SLC9B2: variants seen among roughly 807,000 people sequenced by gnomAD.
The protein encoded by SLC9B2 is solute carrier family 9 member B2.
A neutral mutation model predicts 52.2 loss-of-function variants in SLC9B2; 39 were observed. That is an observed-to-expected ratio of 0.75 (90% CI 0.58 to 0.98). SLC9B2 has a LOEUF of 0.98. Ranked by LOEUF, SLC9B2 falls within the 50% of genes least tolerant of loss-of-function variation. SLC9B2 has a pLI of 0.00. For missense variants in SLC9B2, 626 were observed against 637.5 expected (o/e 0.98, Z 0.19); for synonymous variants, 214 against 227.0 (o/e 0.94, Z 0.51).
intron 1 of SLC9B2, among the ~76,000 whole-genome samples, chr4:103,074,514 C>A (rs1746942749): frequency 6.6e-6 from 1 of 152,134 alleles, no homozygotes; most frequent in Non-Finnish European, 1.5e-5. Context: ...TCATCATAGA[C>A]AATGAATGAT....
Position 103,047,052 on chromosome 4 carries a change from T to A in SLC9B2, c.888A>T (p.Thr296=). 1 of 1,613,830 alleles carries A rather than the reference T, an allele frequency of 6.2e-7. No homozygotes were observed. The highest frequency in any genetic ancestry group is 8.5e-7 in the Non-Finnish European group (1 of 1,179,784). The part of the protein sequence containing the change: ...FNTCLGIAFS[T]GSTVFNVLRG... Reference sequence around the variant, plus strand: ...CCTGTTGTGAACTGATTAGGTTACCTGTGGAAAAGGCTATGCCCAAGCATG... The same window carrying A: ...CCTGTTGTGAACTGATTAGGTTACCAGTGGAAAAGGCTATGCCCAAGCATG... Residue 296 remains threonine, a splice_region_variant and synonymous_variant, in exon 7 of 12, where the codon ACA becomes ACT. Coordinates refer to ENST00000394785, the MANE Select transcript of SLC9B2 (RefSeq NM_178833.7).
chr4:103,053,154 T>C (rs920207999), intron 4 of SLC9B2, among the ~76,000 whole-genome samples: 2 of 152,214 alleles, frequency 1.3e-5, no homozygotes, highest in Non-Finnish European at 2.9e-5. Flanking sequence ...TAATGATTTT[T>C]CTTCTCTTCC....
At chr4:103,042,803 C>T (rs1450278237) in intron 9 of SLC9B2, among the ~76,000 whole-genome samples, 1 of 151,262 alleles carries the variant, frequency 6.6e-6, no homozygotes, top group African/African-American at 2.4e-5. Context: ...AAAATATATA[C>T]TATATTTTAT....
intron 9 of SLC9B2, among the ~76,000 whole-genome samples, chr4:103,034,511 A>AG (rs999398177): frequency 2.0e-5 from 3 of 152,220 alleles, no homozygotes; most frequent in Non-Finnish European, 4.4e-5. Context: ...TGGAGTAAAC[A>AG]GACAACCTTT....
intron 3 of SLC9B2, among the ~76,000 whole-genome samples, chr4:103,064,615 A>T (rs77880220): frequency 0.018 from 2,801 of 152,296 alleles, 41 homozygotes; most frequent in Non-Finnish European, 0.023. Flanking sequence ...AAGGTATTGT[A>T]TACCTCAAAA....
chr4:103,068,904 G>A (rs559435029), intron 1 of SLC9B2, among the ~76,000 whole-genome samples: 351 of 152,184 alleles, frequency 2.3e-3, no homozygotes, highest in Admixed American at 4.1e-3. Context: ...TCTGTTCAAC[G>A]AAGTGCCAAG....
At position 103,050,327 on chromosome 4, in the gene SLC9B2, C is replaced by T. The variant is rs929109384; in HGVS notation, c.498G>A (p.Val166=). Reference sequence around the variant, plus strand: ...AGGAAGACCACTTGTGCTTGATCTGCACATTATCGTTGATGACTGGGATAT... The same window carrying T: ...AGGAAGACCACTTGTGCTTGATCTGTACATTATCGTTGATGACTGGGATAT... ...IRNIPVINDN[V]QIKHKWSSSL... The change falls in exon 5 of 12, where the codon GTG becomes GTA. Residue 166 remains valine, a synonymous_variant. Transcript: ENST00000394785. 1.2e-6 allele frequency: 2 copies of T among 1,610,138 alleles called. No homozygotes were observed. The highest frequency in any genetic ancestry group is 2.7e-5 in the African/African-American group (2 of 74,694).
intron 4 of SLC9B2, among the ~76,000 whole-genome samples, chr4:103,054,953 G>A (rs970401102): frequency 2.2e-4 from 33 of 152,162 alleles, no homozygotes; most frequent in Admixed American, 1.2e-3. Flanking sequence ...GTTTATTGTG[G>A]CACTATTCAC....
At chr4:103,058,899 T>C (rs543265873) in intron 3 of SLC9B2, among the ~76,000 whole-genome samples, 1 of 152,186 alleles carries the variant, frequency 6.6e-6, no homozygotes, top group East Asian at 1.9e-4. Context: ...TTGTCTCTAC[T>C]AAATATAAAA....
intron 9 of SLC9B2, among the ~76,000 whole-genome samples, chr4:103,038,104 T>A (rs905896835): frequency 6.6e-6 from 1 of 152,082 alleles, no homozygotes; most frequent in African/African-American, 2.4e-5. Context: ...TCAGGCAATC[T>A]GCCTGCCTCA....
At chr4:103,036,598 A>C (rs1743199397) in intron 9 of SLC9B2, among the ~76,000 whole-genome samples, 1 of 152,200 alleles carries the variant, frequency 6.6e-6, no homozygotes, top group South Asian at 2.1e-4. Context: ...ATAGTCACAA[A>C]ATCTAAGACA....
intron 1 of SLC9B2, among the ~76,000 whole-genome samples, chr4:103,072,834 T>C (rs1383037551): frequency 6.6e-6 from 1 of 152,220 alleles, no homozygotes; most frequent in African/African-American, 2.4e-5. Context: ...CCCTCCAAAA[T>C]TCAGATTTTG....
At position 103,026,272 on chromosome 4, in the gene SLC9B2, T is replaced by G; in HGVS notation, c.*98A>C. Reference sequence around the variant, plus strand: ...AAAGAAACAGCTACACTTTTGGTTCTATTACATTTTAAGCTTAAACATTAC... The same window carrying G: ...AAAGAAACAGCTACACTTTTGGTTCGATTACATTTTAAGCTTAAACATTAC... On this transcript the variant is annotated 3_prime_UTR_variant, in exon 12 of 12. Transcript: ENST00000394785. 1 of 1,131,500 alleles carries G rather than the reference T, an allele frequency of 8.8e-7. No individual in the cohort carries two copies. The highest frequency in any genetic ancestry group is 1.3e-6 in the Non-Finnish European group (1 of 794,380). The allele number at this position is 1,131,500 out of a possible 1,614,324, so 70.1% of individuals were successfully genotyped here. A position where few individuals can be genotyped will look rare whatever the true frequency, so the allele number is the denominator to read the frequency against.
At chr4:103,019,534 C>A (rs1352112553), downstream of SLC9B2, 1 of 973,110 alleles carries the variant, frequency 1.0e-6, no homozygotes, top group Non-Finnish European at 1.2e-6. Flanking sequence ...AGGAAACGAT[C>A]GCGGCAGACC....
chr4:103,066,522 A>C lies in SLC9B2; in HGVS notation c.91-15T>G. The C allele has an allele frequency of 1.9e-6, 3 of 1,601,854 alleles. No individual in the cohort carries two copies. The highest frequency in any genetic ancestry group is 2.6e-6 in the Non-Finnish European group (3 of 1,175,418). On this transcript the variant is annotated splice_polypyrimidine_tract_variant and intron_variant, in intron 2 of 11. Coordinates refer to ENST00000394785, the MANE Select transcript of SLC9B2 (RefSeq NM_178833.7). The stretch of plus-strand genomic sequence containing the variant: ...ACTGTCTCCTCCTGTGTTTAAAGTA[A>C]TTTTAAAAATCCTTAAAACTGTATA...
chr4:103,031,887 G>A (rs1742737990), intron 9 of SLC9B2, 79 bp from the exon 10 acceptor site: 1 of 1,391,630 alleles, frequency 7.2e-7, no homozygotes, highest in African/African-American at 1.4e-5. Context: ...TTTGAGGTTT[G>A]AATTATTTGG....
At chr4:103,026,651 G>C in intron 11 of SLC9B2, 60 bp from the exon 12 acceptor site, 1 of 1,501,468 alleles carries the variant, frequency 6.7e-7, no homozygotes, top group Non-Finnish European at 9.0e-7. Flanking sequence ...TAAAAAAAGT[G>C]AGTTTTTTAT....
chr4:103,026,908 T>C (rs995514172), intron 11 of SLC9B2, among the ~76,000 whole-genome samples: 1 of 152,142 alleles, frequency 6.6e-6, no homozygotes, highest in East Asian at 1.9e-4. Flanking sequence ...TTGTTTTGTT[T>C]TGTTTTTTTA....
In SLC9B2 at chr4:103,037,570, G is replaced by A. The variant is rs79017181; in HGVS notation, c.1146+5726C>T. 2.7e-3 allele frequency among the ~76,000 whole-genome samples: 408 copies of A among 152,300 alleles called. 8 individuals are homozygous for A. The East Asian group carries it at 0.069, about 26-fold the overall frequency. On this transcript the variant is annotated intron_variant, in intron 9 of 11. Transcript: ENST00000394785. ...AAGTGTTGAAAGAGAGCATATGTGA[G>A]GGCATTGGTTGATTTATTTAATAGT... is the stretch of plus-strand genomic sequence containing the variant.
Sources: allele counts gnomAD v4.1 joint callset (sites outside exome capture counted in the v4.1 genomes callset), GRCh38; gene constraint gnomAD v4.1.1; transcripts MANE v1.5; gene names NCBI Gene and HGNC (gene_info 2026-07-23, HGNC 2026-07-21).